GFRA1: variants seen among roughly 807,000 people sequenced by gnomAD.
The protein encoded by GFRA1 is GDNF family receptor alpha-1.
A neutral mutation model predicts 51.6 loss-of-function variants in GFRA1; 16 were observed. That is an observed-to-expected ratio of 0.31 (90% confidence interval 0.21 to 0.47). The LOEUF (loss-of-function observed/expected upper bound fraction) is 0.47. Among genes scored for constraint, GFRA1 ranks in the 20% least tolerant of loss-of-function variants. GFRA1 has a pLI of 1.00. For synonymous variants in GFRA1, 270 were observed against 241.3 expected, an observed-to-expected ratio of 1.12 and a Z score of -1.10; for missense variants, 530 against 594.3, an observed-to-expected ratio of 0.89 and a Z score of 1.13.
intron 5 of GFRA1, among the ~76,000 whole-genome samples, chr10:116,168,845 C>G (rs1304752750): frequency 6.6e-6 from 1 of 152,186 alleles, no homozygotes; most frequent in Non-Finnish European, 1.5e-5. Context: ...AGATTATACT[C>G]GTATCAGATT....
Position 116,064,116 on chromosome 10 carries a change from G to A in GFRA1, c.*282C>T, listed in dbSNP as rs944512218. On this transcript the variant is annotated 3_prime_UTR_variant, in exon 11 of 11. Transcript: ENST00000355422. The stretch of plus-strand genomic sequence containing the variant: ...GATCATCATCATCATCGAAAACACA[G>A]CCCCAGTTTGCTTTACAGCCCAAGT... 3 of 329,114 alleles carry A rather than the reference G, an allele frequency of 9.1e-6. No individual in the cohort carries two copies. Among genetic ancestry groups the A allele is most frequent in the Non-Finnish European group, 1.7e-5 (3 of 175,922 alleles). The allele number at this position is 329,114 out of a possible 1,614,324, so 20.4% of individuals were successfully genotyped here. A position where few individuals can be genotyped will look rare whatever the true frequency, so the allele number is the denominator to read the frequency against.
intron 5 of GFRA1, among the ~76,000 whole-genome samples, chr10:116,209,513 G>A (rs955760407): frequency 7.2e-5 from 11 of 152,086 alleles, no homozygotes; most frequent in African/African-American, 2.7e-4. Flanking sequence ...TGCCCATGGC[G>A]TGTCCAGGAA....
At chr10:116,172,458 G>A (rs1961125297) in intron 5 of GFRA1, among the ~76,000 whole-genome samples, 2 of 152,168 alleles carry the variant, frequency 1.3e-5, no homozygotes, top group Admixed American at 1.3e-4. Context: ...TGTACAAATA[G>A]TAAGGCTGTC....
chr10:116,235,825 G>C (rs989095368), intron 4 of GFRA1, among the ~76,000 whole-genome samples: 3 of 152,172 alleles, frequency 2.0e-5, no homozygotes, highest in Admixed American at 6.5e-5. Context: ...ACATGAAGAA[G>C]AGGTCATGTG....
intron 5 of GFRA1, among the ~76,000 whole-genome samples, chr10:116,197,699 C>G (rs1286309405): frequency 6.6e-6 from 1 of 152,194 alleles, no homozygotes; most frequent in Non-Finnish European, 1.5e-5. Flanking sequence ...ACTAAACCCA[C>G]TAGAAGTGCT....
intron 5 of GFRA1, among the ~76,000 whole-genome samples, chr10:116,181,294 A>G (rs1348741675): frequency 1.3e-5 from 2 of 152,170 alleles, no homozygotes; most frequent in Non-Finnish European, 2.9e-5. Context: ...TGGGGCAAGG[A>G]GATGCCAAAG....
chr10:116,075,867 C>T (rs1955597042), intron 9 of GFRA1, among the ~76,000 whole-genome samples: 1 of 152,136 alleles, frequency 6.6e-6, no homozygotes, highest in Admixed American at 6.5e-5. Context: ...GCCTCAGCCT[C>T]CCAAGTAGCT....
chr10:116,138,609 G>T (rs1306222833), intron 5 of GFRA1, among the ~76,000 whole-genome samples: 6 of 151,834 alleles, frequency 4.0e-5, no homozygotes, highest in Admixed American at 3.3e-4. Context: ...TTCCAAGGTA[G>T]ATTAAAACAA....
At chr10:116,254,148 C>T (rs540514298) in intron 4 of GFRA1, among the ~76,000 whole-genome samples, 1 of 151,560 alleles carries the variant, frequency 6.6e-6, no homozygotes, top group Non-Finnish European at 1.5e-5. Flanking sequence ...TGGTGAAACC[C>T]CGTCTCTACT....
At chr10:116,088,495 T>C (rs921690515) in intron 9 of GFRA1, among the ~76,000 whole-genome samples, 10 of 152,076 alleles carry the variant, frequency 6.6e-5, no homozygotes, top group African/African-American at 2.4e-4. Context: ...CTGTGACCCA[T>C]TAGCTCTGCA....
At chr10:116,268,073 G>A (rs1969815654) in intron 4 of GFRA1, among the ~76,000 whole-genome samples, 1 of 152,082 alleles carries the variant, frequency 6.6e-6, no homozygotes, top group Non-Finnish European at 1.5e-5. Flanking sequence ...GTTAAAATGT[G>A]TATTCTGATT....
rs539483812 is a variant in GFRA1 at position 116,155,125 on chromosome 10, T to C, written c.434-29568A>G. Among the ~76,000 whole-genome samples, 39 of 152,284 alleles carry C rather than the reference T, an allele frequency of 2.6e-4. No individual in the cohort carries two copies. The South Asian group carries it at 8.1e-3, about 32-fold the overall frequency. On this transcript the variant is annotated intron_variant, in intron 5 of 10. Coordinates refer to ENST00000355422, the MANE Select transcript of GFRA1 (RefSeq NM_005264.8). ...CCAGAACTCTAATGTGTCAAGAACT[T>C]TATCTCATTTAATACTCATGACAAT... is the stretch of plus-strand genomic sequence containing the variant.
chr10:116,104,814 T>G (rs1224414194), intron 6 of GFRA1, among the ~76,000 whole-genome samples: 2 of 152,212 alleles, frequency 1.3e-5, no homozygotes, highest in Non-Finnish European at 2.9e-5. Flanking sequence ...AAGCAAGTCA[T>G]GGTAGTTGGC....
At position 116,057,744 on chromosome 10, in the gene GFRA1, T is replaced by C. The variant is rs1484261681; in HGVS notation, c.*6654A>G. 3 of 151,566 alleles carry C rather than the reference T, an allele frequency of 2.0e-5. No individual in the cohort carries two copies. The highest frequency in any genetic ancestry group is 2.1e-4 in the South Asian group (1 of 4,784). The allele number at this position is 151,566 out of a possible 1,614,324, so 9.4% of individuals were successfully genotyped here. Reference sequence around the variant, plus strand: ...CAGGTTTCTGAAACTGTTTTTTTTTTTTCAACCCTCGGAGGACAATCAGCT... The same window carrying C: ...CAGGTTTCTGAAACTGTTTTTTTTTCTTCAACCCTCGGAGGACAATCAGCT... On this transcript the variant is annotated 3_prime_UTR_variant, in exon 11 of 11. Coordinates refer to ENST00000355422, the MANE Select transcript of GFRA1 (RefSeq NM_005264.8).
intron 4 of GFRA1, among the ~76,000 whole-genome samples, chr10:116,225,472 T>C (rs1171221862): frequency 7.7e-6 from 1 of 129,738 alleles, no homozygotes; most frequent in Non-Finnish European, 1.5e-5. Flanking sequence ...GAGGGTGAGG[T>C]TGCAGAGAGC....
chr10:116,108,292 A>G (rs997608769), intron 6 of GFRA1, among the ~76,000 whole-genome samples: 8 of 152,200 alleles, frequency 5.3e-5, no homozygotes, highest in African/African-American at 1.7e-4. Context: ...CTAGTTCCTA[A>G]TATCTTCCTT....
chr10:116,169,446 G>A (rs1345524409), intron 5 of GFRA1, among the ~76,000 whole-genome samples: 4 of 152,194 alleles, frequency 2.6e-5, no homozygotes, highest in South Asian at 2.1e-4. Flanking sequence ...TTTCCCGCCC[G>A]AATGTTGCCT....
At chr10:116,075,500 A>G (rs1000185306) in intron 9 of GFRA1, among the ~76,000 whole-genome samples, 5 of 152,208 alleles carry the variant, frequency 3.3e-5, no homozygotes, top group Non-Finnish European at 5.9e-5. Flanking sequence ...GGGCAGTAGC[A>G]TTTATCATTC....
chr10:116,191,748 T>TGGGC (rs1963283102), intron 5 of GFRA1, among the ~76,000 whole-genome samples: 2 of 152,228 alleles, frequency 1.3e-5, no homozygotes, highest in Non-Finnish European at 1.5e-5. Context: ...ATTAGGTGGC[T>TGGGC]GGGCGCAGTG....
Sources: gnomAD v4.1 joint callset for allele counts (sites outside exome capture counted in the v4.1 genomes callset) on GRCh38, gnomAD v4.1.1 for gene constraint, MANE v1.5 for transcripts, NCBI Gene and HGNC (gene_info 2026-07-23, HGNC 2026-07-21) for gene names.